PLCB1: variants seen among roughly 807,000 people sequenced by gnomAD.
PLCB1 encodes the protein 1-phosphatidylinositol 4,5-bisphosphate phosphodiesterase beta-1.
In PLCB1, 46 loss-of-function variants were observed where a neutral mutation model predicts 161.8. The ratio of observed to expected loss-of-function variants is 0.28; its 90% CI spans 0.22 to 0.36. PLCB1 has a LOEUF of 0.36. Among genes scored for constraint, PLCB1 ranks in the 10% least tolerant of loss-of-function variants. The pLI is 1.00. For synonymous variants in PLCB1, 517 were observed against 503.7 expected (o/e 1.03, Z -0.35); for missense variants, 1,016 against 1,472.5 (o/e 0.69, Z 5.07).
intron 24 of PLCB1, among the ~76,000 whole-genome samples, chr20:8,760,016 C>G (rs2123571145): frequency 7.1e-6 from 1 of 139,898 alleles, no homozygotes; most frequent in East Asian, 2.2e-4. Context: ...AGTGATTCTT[C>G]TGCTTCAGCC....
chr20:8,536,910 A>G (rs1307130351), intron 3 of PLCB1, among the ~76,000 whole-genome samples: 1 of 152,204 alleles, frequency 6.6e-6, no homozygotes, highest in Non-Finnish European at 1.5e-5. Flanking sequence ...CACAGCAAAG[A>G]ACATTTGATT....
chr20:8,765,497 G>T, intron 26 of PLCB1, 139 bp downstream of exon 26: 3 of 639,406 alleles, frequency 4.7e-6, no homozygotes, highest in South Asian at 2.2e-5. Flanking sequence ...AGCTTTTGTG[G>T]CACCTTAGCC....
intron 3 of PLCB1, among the ~76,000 whole-genome samples, chr20:8,482,957 G>C (rs1293644125): frequency 1.3e-5 from 2 of 151,604 alleles, no homozygotes; most frequent in Non-Finnish European, 2.9e-5. Flanking sequence ...TAGTTATTTA[G>C]AGGTAAGGAA....
In PLCB1 at chr20:8,717,792, C is replaced by A. The variant is rs1449048085; in HGVS notation, c.1457C>A (p.Ala486Asp). Residue 486 changes from alanine (A) to aspartate (D), a missense_variant, in exon 14 of 32, where the codon GCC (alanine) becomes GAC (aspartate). Ala to Asp is a moderately radical substitution (Grantham distance 126, BLOSUM62 -2). This residue lies in a region of PLCB1 where 109 missense variants were observed against 129.7 expected (regional missense o/e 0.84). Transcript: ENST00000338037. ...GGCAAAAAGAAGCTCTCAGAACAAG[C>A]CTCCAACACCTACAGTGACTCCTCC... The part of the protein sequence containing the change: ...GSGKKKLSEQ[A>D]SNTYSDSSSM... 1 of 1,613,902 alleles carries A rather than the reference C, an allele frequency of 6.2e-7. No individual in the cohort carries two copies.
intron 3 of PLCB1, among the ~76,000 whole-genome samples, chr20:8,615,626 A>G (rs925566161): frequency 6.6e-6 from 1 of 152,170 alleles, no homozygotes; most frequent in African/African-American, 2.4e-5. Flanking sequence ...CAACATTTTG[A>G]TAAATATAAA....
At chr20:8,822,412 GC>G (rs1290295338) in intron 31 of PLCB1, among the ~76,000 whole-genome samples, 4 of 152,188 alleles carry the variant, frequency 2.6e-5, no homozygotes, top group African/African-American at 9.7e-5. Flanking sequence ...GAATGGACAG[GC>G]CTCCAGGTGC....
At chr20:8,601,191 C>A (rs879658169) in intron 3 of PLCB1, among the ~76,000 whole-genome samples, 2 of 152,102 alleles carry the variant, frequency 1.3e-5, no homozygotes, top group Non-Finnish European at 2.9e-5. Context: ...CCTAAACATG[C>A]CAAAGAAGTA....
At chr20:8,240,514 A>T (rs1980557159) in intron 2 of PLCB1, among the ~76,000 whole-genome samples, 1 of 151,716 alleles carries the variant, frequency 6.6e-6, no homozygotes, top group African/African-American at 2.4e-5. Flanking sequence ...CCTTAAATGG[A>T]TATTTGGCTT....
chr20:8,548,214 C>G (rs1401876748), intron 3 of PLCB1, among the ~76,000 whole-genome samples: 1 of 140,632 alleles, frequency 7.1e-6, no homozygotes, highest in Non-Finnish European at 1.6e-5. Context: ...TCTTTCCTTC[C>G]TTCCTTCCTT....
chr20:8,797,411 C>CGT (rs1555791358), intron 31 of PLCB1, among the ~76,000 whole-genome samples: 3 of 151,940 alleles, frequency 2.0e-5, no homozygotes, highest in Non-Finnish European at 4.4e-5. Context: ...TCTAAGATTC[C>CGT]ATATATATTT....
rs1405683978 is a variant in PLCB1, at chr20:8,789,235, T to G, written c.3279-283T>G. On this transcript the variant is annotated intron_variant, in intron 29 of 31. Coordinates refer to ENST00000338037, the MANE Select transcript of PLCB1 (RefSeq NM_015192.4). ...TCTACAAAAAAATTTTAAGATTAGC[T>G]GGGTGTGGTGGTGCACACCTATATT... Among the ~76,000 whole-genome samples the G allele has an allele frequency of 2.0e-5, 3 of 152,102 alleles. No individual in the cohort carries two copies. In the East Asian group the frequency reaches 5.8e-4, roughly 29 times the overall value.
chr20:8,489,158 G>T (rs942998882), intron 3 of PLCB1, among the ~76,000 whole-genome samples: 1 of 152,132 alleles, frequency 6.6e-6, no homozygotes, highest in Non-Finnish European at 1.5e-5. Flanking sequence ...TTGTTCCTAA[G>T]AGGATACGTC....
intron 3 of PLCB1, among the ~76,000 whole-genome samples, chr20:8,538,746 A>G (rs940393949): frequency 3.9e-5 from 6 of 151,994 alleles, no homozygotes; most frequent in African/African-American, 7.2e-5. Context: ...GAGACAATAA[A>G]TAAAAACTAT....
At chr20:8,327,949 A>T (rs905844157) in intron 2 of PLCB1, among the ~76,000 whole-genome samples, 1 of 152,160 alleles carries the variant, frequency 6.6e-6, no homozygotes, top group Middle Eastern at 3.2e-3. Context: ...ACAGTAATAC[A>T]CATGCTTATA....
At chr20:8,274,108 T>C (rs539263022) in intron 2 of PLCB1, among the ~76,000 whole-genome samples, 3 of 152,302 alleles carry the variant, frequency 2.0e-5, no homozygotes, top group Non-Finnish European at 2.9e-5. Flanking sequence ...GAATAACCAC[T>C]GTTAGCAACT....
At chr20:8,453,135 C>T (rs1457353683) in intron 3 of PLCB1, among the ~76,000 whole-genome samples, 4 of 152,224 alleles carry the variant, frequency 2.6e-5, no homozygotes, top group Admixed American at 1.3e-4. Context: ...TCGCATCCTT[C>T]CTAACATGCT....
intron 2 of PLCB1, among the ~76,000 whole-genome samples, chr20:8,353,410 C>T (rs1009790692): frequency 6.6e-6 from 1 of 152,054 alleles, no homozygotes; most frequent in Non-Finnish European, 1.5e-5. Context: ...TAACTGCCTT[C>T]TCTTAAGTGT....
chr20:8,866,863 C>A (rs1233264810), intron 31 of PLCB1, among the ~76,000 whole-genome samples: 1 of 152,132 alleles, frequency 6.6e-6, no homozygotes, highest in Non-Finnish European at 1.5e-5. Context: ...TGTAAATACT[C>A]ACCCAAAAAC....
intron 2 of PLCB1, among the ~76,000 whole-genome samples, chr20:8,307,434 A>G (rs543568459): frequency 1.3e-5 from 2 of 152,322 alleles, no homozygotes; most frequent in Non-Finnish European, 1.5e-5. Context: ...CAATTGGAAT[A>G]ATCTGTCGAC....
Sources: allele counts gnomAD v4.1 joint callset (sites outside exome capture counted in the v4.1 genomes callset), GRCh38; gene constraint gnomAD v4.1.1; regional missense constraint gnomAD v4.1.1; transcripts MANE v1.5; gene names NCBI Gene and HGNC (gene_info 2026-07-23, HGNC 2026-07-21).